The following ZNF850 variants were observed in gnomAD, a reference collection of about 807,000 sequenced individuals.
The protein encoded by ZNF850 is putative zinc finger protein ENSP00000330994.
In ZNF850, 2 loss-of-function variants were observed where a neutral mutation model predicts 11.9. The ratio of observed to expected loss-of-function variants is 0.17; its 90% CI spans 0.07 to 0.53. The LOEUF (loss-of-function observed/expected upper bound fraction) is 0.53, where lower values mean the gene tolerates loss of function less well. ZNF850 is among the 20% of genes least tolerant of loss of function. ZNF850 has a pLI of 0.94. For synonymous variants in ZNF850, 381 were observed against 443.0 expected (o/e 0.86, Z 1.76); for missense variants, 1,014 against 1,316.4 (o/e 0.77, Z 3.55).
chr19:36,770,104 G>A lies in ZNF850; in HGVS notation c.-70+2621C>T, dbSNP rs75576488. 5.2e-3 allele frequency among the ~76,000 whole-genome samples: 789 copies of A among 152,312 alleles called. 20 individuals are homozygous for A. Among genetic ancestry groups the A allele is most frequent in the Admixed American group, 0.037 (558 of 15,280 alleles). The stretch of plus-strand genomic sequence containing the variant: ...ATACAGATGAAGAGATGCCTAGGGC[G>A]AGGTATGGGGCAAGGGGCACAGAGC... On this transcript the variant is annotated intron_variant, in intron 1 of 4. Transcript: ENST00000591344.
intron 4 of ZNF850, among the ~76,000 whole-genome samples, chr19:36,759,967 T>C (rs2040508627): frequency 6.6e-6 from 1 of 152,202 alleles, no homozygotes; most frequent in Non-Finnish European, 1.5e-5. Flanking sequence ...TCCTTGACAC[T>C]TAAGTCTTCT....
chr19:36,769,653 G>A (rs1568740807), intron 1 of ZNF850, among the ~76,000 whole-genome samples: 1 of 152,088 alleles, frequency 6.6e-6, no homozygotes, highest in South Asian at 2.1e-4. Context: ...TGATGGATTC[G>A]AGGTTGAGAA....
Position 36,748,252 on chromosome 19 carries a change from A to T in ZNF850, c.2788T>A (p.Cys930Ser), listed in dbSNP as rs899262238. The change falls in exon 5 of 5, where the codon TGT (cysteine) becomes AGT (serine). Residue 930 changes from cysteine (C) to serine (S), a missense_variant. Cys to Ser is a moderately radical substitution (Grantham distance 112). Transcript: ENST00000591344. ...TGEKPYRCHE[C>S]GKAFVRFSGL... Reference sequence around the variant, plus strand: ...GAGAAACGGACAAAGGCTTTTCCACATTCATGACATCGATAAGGTTTCTCA... The same window carrying T: ...GAGAAACGGACAAAGGCTTTTCCACTTTCATGACATCGATAAGGTTTCTCA... 1 of 1,554,200 alleles carries T rather than the reference A, an allele frequency of 6.4e-7. No homozygotes were observed. Among genetic ancestry groups the T allele is most frequent in the African/African-American group, 1.4e-5 (1 of 73,226 alleles).
Position 36,748,234 on chromosome 19 carries a change from G to A in ZNF850, c.2806C>T (p.Arg936Cys), listed in dbSNP as rs1420658449. Reference protein sequence around the residue: ...RCHECGKAFVRFSGLTKHHSI... With the variant: ...RCHECGKAFVCFSGLTKHHSI... ...TGATGTTTGGTGAGTCCTGAGAAACGGACAAAGGCTTTTCCACATTCATGA... is the reference window on the plus strand; with the variant it reads ...TGATGTTTGGTGAGTCCTGAGAAACAGACAAAGGCTTTTCCACATTCATGA... The change falls in exon 5 of 5, where the codon CGT (arginine) becomes TGT (cysteine). Residue 936 changes from arginine to cysteine, a missense_variant. This residue lies in a region of ZNF850 where 179 missense variants were observed against 294.4 expected (regional missense o/e 0.61). Coordinates refer to ENST00000591344, the MANE Select transcript of ZNF850 (RefSeq NM_001193552.2). 3 of 1,550,316 alleles carry A rather than the reference G, an allele frequency of 1.9e-6. No individual in the cohort carries two copies. Among genetic ancestry groups the A allele is most frequent in the African/African-American group, 1.4e-5 (1 of 72,582 alleles).
At chr19:36,752,106 A>G (rs2040457516) in intron 4 of ZNF850, among the ~76,000 whole-genome samples, 1 of 150,168 alleles carries the variant, frequency 6.7e-6, no homozygotes, top group Non-Finnish European at 1.5e-5. Context: ...AATTCAATGA[A>G]TGAATTTGAA....
chr19:36,765,686 G>A (rs948249093), intron 1 of ZNF850, among the ~76,000 whole-genome samples: 1 of 149,866 alleles, frequency 6.7e-6, no homozygotes, highest in Non-Finnish European at 1.5e-5. Context: ...CTGGATTCAA[G>A]CGATTCTCCT....
intron 4 of ZNF850, among the ~76,000 whole-genome samples, chr19:36,753,443 A>AAAAAAAAC (rs2040466477): frequency 6.9e-6 from 1 of 145,144 alleles, no homozygotes; most frequent in Non-Finnish European, 1.5e-5. Context: ...AAAAAAAAAA[A>AAAAAAAAC]AAAGCCGGGT....
intron 4 of ZNF850, among the ~76,000 whole-genome samples, chr19:36,757,503 CTTTTTTTTTTTT>C (rs57226971): frequency 4.1e-5 from 4 of 97,392 alleles, no homozygotes; most frequent in African/African-American, 1.6e-4. Flanking sequence ...AATATAGTTT[CTTTTTTTTTTTT>C]TTTTTTTTTG....
intron 4 of ZNF850, among the ~76,000 whole-genome samples, chr19:36,759,094 AT>A (rs1450817096): frequency 6.7e-6 from 1 of 149,774 alleles, no homozygotes; most frequent in Non-Finnish European, 1.5e-5. Flanking sequence ...AAAAAAAAAA[AT>A]ATTGGCCCAG....
At position 36,748,145 on chromosome 19, in the gene ZNF850, A is replaced by G. The variant is rs777701783; in HGVS notation, c.2895T>C (p.Arg965=). The part of the protein sequence containing the change: ...CKTCGKSFRQ[R]THLTLHQRIH... Reference sequence around the variant, plus strand: ...TTCTCTGATGTAGAGTAAGGTGTGTACGCTGTCTGAAGGACTTCCCACATG... The same window carrying G: ...TTCTCTGATGTAGAGTAAGGTGTGTGCGCTGTCTGAAGGACTTCCCACATG... Residue 965 remains arginine (R), a synonymous_variant, in exon 5 of 5, where the codon CGT becomes CGC. Transcript: ENST00000591344. 1.0e-5 allele frequency: 16 copies of G among 1,550,278 alleles called. No individual in the cohort carries two copies. The South Asian group carries it at 1.7e-4, about 16-fold the overall frequency.
chr19:36,769,261 CAA>C (rs74174432), intron 1 of ZNF850, among the ~76,000 whole-genome samples: 29 of 51,558 alleles, frequency 5.6e-4, no homozygotes, highest in African/African-American at 2.0e-3. Context: ...AAGACTGTCT[CAA>C]AAAAAAAAAA....
intron 4 of ZNF850, among the ~76,000 whole-genome samples, chr19:36,755,131 A>G (rs2040477982): frequency 6.6e-6 from 1 of 152,226 alleles, no homozygotes; most frequent in South Asian, 2.1e-4. Flanking sequence ...TAGTGCAATT[A>G]AGGTTGAATT....
chr19:36,756,861 G>A (rs771275515), intron 4 of ZNF850, among the ~76,000 whole-genome samples: 2 of 152,140 alleles, frequency 1.3e-5, no homozygotes, highest in African/African-American at 2.4e-5. Context: ...TGATCCACCC[G>A]CCTTGGCCTC....
Position 36,747,973 on chromosome 19 carries a change from G to A in ZNF850, c.3067C>T (p.Gln1023Ter), listed in dbSNP as rs755454860. 7 of 1,582,424 alleles carry A rather than the reference G, an allele frequency of 4.4e-6. No individual in the cohort carries two copies. In the Admixed American group the frequency reaches 1.3e-4, roughly 29 times the overall value. ...TGGATTCGTTTATGTTGACTAAGTTGTGAAGGACATCTAAAGGCCTTCCCA... is the reference window on the plus strand; with the variant it reads ...TGGATTCGTTTATGTTGACTAAGTTATGAAGGACATCTAAAGGCCTTCCCA... Reference protein sequence around the residue: ...ECGKAFRCPSQLSQHKRIHTG... With the variant: ...ECGKAFRCPS The change falls in exon 5 of 5, where the codon CAA (glutamine) becomes TAA (stop). Residue 1023 changes from glutamine to a stop codon, truncating the protein, a stop_gained. Transcript: ENST00000591344. LOFTEE classifies it low-confidence loss of function (END_TRUNC).
intron 4 of ZNF850, among the ~76,000 whole-genome samples, chr19:36,757,865 G>A (rs538441206): frequency 1.1e-4 from 17 of 151,742 alleles, no homozygotes; most frequent in East Asian, 1.9e-4. Context: ...TCTGCCACCC[G>A]GGCTGGAATG....
Position 36,748,431 on chromosome 19 carries a change from T to C in ZNF850, c.2609A>G (p.His870Arg). Residue 870 changes from histidine (H) to arginine (R), a missense_variant, in exon 5 of 5, where the codon CAT becomes CGT. By Grantham distance (29) the His-to-Arg change is conservative. Transcript: ENST00000591344. ...AAAAGATTTTCCACATTCCTTACAA[T>C]GATAGGGTTTCTCACCAGTGTGAAT... ...QRIHTGEKPY[H>R]CKECGKSFAF... 6.4e-7 allele frequency: 1 copy of C among 1,560,226 alleles called. No individual in the cohort carries two copies. The highest frequency in any genetic ancestry group is 8.6e-7 in the Non-Finnish European group (1 of 1,157,870).
intron 1 of ZNF850, among the ~76,000 whole-genome samples, chr19:36,767,213 G>A (rs534053033): frequency 6.6e-6 from 1 of 151,164 alleles, no homozygotes; most frequent in South Asian, 2.1e-4. Context: ...CTGCAGCCTG[G>A]GCAACAGAGC....
At chr19:36,754,102 G>T (rs1245371118) in intron 4 of ZNF850, among the ~76,000 whole-genome samples, 8 of 150,946 alleles carry the variant, frequency 5.3e-5, no homozygotes, top group Non-Finnish European at 8.8e-5. Context: ...CTAGGGGGTT[G>T]AGGCTGTGGT....
Position 36,749,532 on chromosome 19 carries a change from T to C in ZNF850, c.1508A>G (p.Lys503Arg), listed in dbSNP as rs1377227190. ...NRHQRIHTGE[K>R]PYNCKECGKS... ...TCCACATTCTTTACAATTATAGGGTTTCTCACCAGTGTGGATTCGCTGGTG... is the reference window on the plus strand; with the variant it reads ...TCCACATTCTTTACAATTATAGGGTCTCTCACCAGTGTGGATTCGCTGGTG... The change falls in exon 5 of 5, where the codon AAA (lysine) becomes AGA (arginine). Residue 503 changes from lysine to arginine, a missense_variant. This residue lies in a region of ZNF850 where 835 missense variants were observed against 1,022.0 expected (regional missense o/e 0.82). Transcript: ENST00000591344. 1.9e-6 allele frequency: 3 copies of C among 1,545,806 alleles called. No individual in the cohort carries two copies. The East Asian group carries it at 7.3e-5, about 38-fold the overall frequency.
Sources: allele counts gnomAD v4.1 joint callset (sites outside exome capture counted in the v4.1 genomes callset), GRCh38; gene constraint gnomAD v4.1.1; regional missense constraint gnomAD v4.1.1; transcripts MANE v1.5; gene names NCBI Gene and HGNC (gene_info 2026-07-23, HGNC 2026-07-21).